The following COBLL1 variants were observed in gnomAD, a reference collection of about 807,000 sequenced individuals.
The protein encoded by COBLL1 is cordon-bleu protein-like 1.
Under a neutral mutation model 94.8 loss-of-function variants are expected in COBLL1, and 50 were observed. The observed-to-expected ratio is 0.53, with a 90% CI of 0.42 to 0.67. The LOEUF is 0.67. COBLL1 is among the 30% of genes least tolerant of loss of function. COBLL1 has a pLI of 0.00. For synonymous variants in COBLL1, 448 were observed against 473.8 expected (o/e 0.95, Z 0.71); for missense variants, 1,362 against 1,348.7 (o/e 1.01, Z -0.15).
At chr2:164,810,221 T>A (rs1684395573) in intron 2 of COBLL1, among the ~76,000 whole-genome samples, 1 of 151,594 alleles carries the variant, frequency 6.6e-6, no homozygotes, top group Non-Finnish European at 1.5e-5. Context: ...GTATTTGGGA[T>A]ATATTTATGA....
At chr2:164,679,362 C>T (rs538137282), downstream of COBLL1, among the ~76,000 whole-genome samples, 349 of 152,036 alleles carry the variant, frequency 2.3e-3, no homozygotes, top group Non-Finnish European at 3.9e-3. Context: ...GATTTTTCTC[C>T]GGTTTAGGCA....
At chr2:164,702,531 T>C (rs1684346220) in intron 9 of COBLL1, among the ~76,000 whole-genome samples, 1 of 123,424 alleles carries the variant, frequency 8.1e-6, no homozygotes, top group South Asian at 2.5e-4. Flanking sequence ...GCCACTGCAC[T>C]CCAGCCTGGG....
At chr2:164,798,213 G>C (rs940245943) in intron 2 of COBLL1, among the ~76,000 whole-genome samples, 3 of 152,182 alleles carry the variant, frequency 2.0e-5, no homozygotes, top group Admixed American at 1.3e-4. Flanking sequence ...AAGGGAGTTT[G>C]TTCCTTCTTT....
At position 164,811,634 on chromosome 2, in the gene COBLL1, T is replaced by A. The variant is rs1004543673; in HGVS notation, c.41+29522A>T. Among the ~76,000 whole-genome samples the A allele has an allele frequency of 5.4e-4, 82 of 151,916 alleles. 4 individuals are homozygous for A. Among genetic ancestry groups the A allele is most frequent in the Non-Finnish European group, 4.4e-5 (3 of 67,824 alleles). On this transcript the variant is annotated intron_variant, in intron 2 of 13. Coordinates refer to ENST00000652658, the MANE Select transcript of COBLL1 (RefSeq NM_001365672.2). ...ACTTATTTTAAAATGGTATTCTGAC[T>A]TCCAGAAAAGTCAAAGTACATTTTT...
At chr2:164,820,505 G>A (rs1204993239) in intron 2 of COBLL1, among the ~76,000 whole-genome samples, 2 of 152,136 alleles carry the variant, frequency 1.3e-5, no homozygotes, top group Non-Finnish European at 2.9e-5. Flanking sequence ...ACAGGCATGA[G>A]TCACCGCGCC....
At chr2:164,753,191 G>C (rs1354808204) in intron 2 of COBLL1, among the ~76,000 whole-genome samples, 1 of 152,010 alleles carries the variant, frequency 6.6e-6, no homozygotes, top group African/African-American at 2.4e-5. Flanking sequence ...TCTCTCTCTT[G>C]GCATTCACAC....
rs759576881 is a variant in COBLL1 at position 164,685,948 on chromosome 2, A to C, written c.3385T>G (p.Ter1129GluextTer19). The change falls in exon 14 of 14, where the codon TAA (stop) becomes GAA (glutamate). Residue 1129 changes from the stop codon to glutamate, a stop_lost. Coordinates refer to ENST00000652658, the MANE Select transcript of COBLL1 (RefSeq NM_001365672.2). ...SMSPDAQDGH[*>E] The stretch of plus-strand genomic sequence containing the variant: ...GCAGTGGTGTGGCAGGGTAACATTT[A>C]ATGGCCGTCCTGGGCATCAGGGGAC... The C allele has an allele frequency of 1.3e-6, 2 of 1,597,072 alleles. No individual in the cohort carries two copies. Among genetic ancestry groups the C allele is most frequent in the Non-Finnish European group, 1.7e-6 (2 of 1,165,930 alleles).
chr2:164,769,905 C>T (rs1246114152), intron 2 of COBLL1, among the ~76,000 whole-genome samples: 1 of 152,148 alleles, frequency 6.6e-6, no homozygotes, highest in Non-Finnish European at 1.5e-5. Flanking sequence ...TAATCAACTA[C>T]ACATAAAAAG....
chr2:164,800,838 T>C (rs1299510659), intron 2 of COBLL1, among the ~76,000 whole-genome samples: 1 of 149,614 alleles, frequency 6.7e-6, no homozygotes, highest in Non-Finnish European at 1.5e-5. Context: ...AAGACATTCA[T>C]AAAAATTCAA....
chr2:164,794,623 G>A (rs544342834), intron 2 of COBLL1, among the ~76,000 whole-genome samples: 30 of 152,158 alleles, frequency 2.0e-4, no homozygotes, highest in African/African-American at 5.8e-4. Context: ...TATTCCACTT[G>A]TTCAGTCAAG....
At chr2:164,824,632 T>C (rs1685342972) in intron 2 of COBLL1, among the ~76,000 whole-genome samples, 1 of 152,178 alleles carries the variant, frequency 6.6e-6, no homozygotes, top group Admixed American at 6.5e-5. Flanking sequence ...CAAAGTTATG[T>C]GACCATGGGA....
At chr2:164,758,868 A>G (rs922542819) in intron 2 of COBLL1, among the ~76,000 whole-genome samples, 29 of 152,232 alleles carry the variant, frequency 1.9e-4, no homozygotes, top group Non-Finnish European at 1.0e-4. Context: ...ATTTTTTAAA[A>G]TTTTACTATA....
chr2:164,688,848 CAT>C (rs1280186712), intron 13 of COBLL1, among the ~76,000 whole-genome samples: 2 of 127,794 alleles, frequency 1.6e-5, no homozygotes, highest in Admixed American at 1.4e-4. Flanking sequence ...ACACTTAATA[CAT>C]AGTGATAAAT....
chr2:164,761,863 A>T (rs757015288), intron 2 of COBLL1, among the ~76,000 whole-genome samples: 1 of 152,206 alleles, frequency 6.6e-6, no homozygotes, highest in African/African-American at 2.4e-5. Context: ...TTTCACATTT[A>T]TATTAGGCAG....
At chr2:164,659,792 T>C (rs1269009075) in intron 2 of COBLL1, among the ~76,000 whole-genome samples, 1 of 152,208 alleles carries the variant, frequency 6.6e-6, no homozygotes, top group East Asian at 1.9e-4. Flanking sequence ...TTTTTTTCTT[T>C]TATTGATCAT....
intron 2 of COBLL1, among the ~76,000 whole-genome samples, chr2:164,818,327 TAC>T (rs1270577786): frequency 1.3e-5 from 2 of 150,012 alleles, no homozygotes; most frequent in African/African-American, 4.9e-5. Context: ...TGTGTATGTA[TAC>T]ATATATGTAT....
rs1683203423 is a variant in COBLL1, at chr2:164,684,818, C to G, written c.*1128G>C. 1 of 151,906 alleles carries G rather than the reference C, an allele frequency of 6.6e-6. No individual in the cohort carries two copies. Among genetic ancestry groups the G allele is most frequent in the African/African-American group, 2.4e-5 (1 of 41,364 alleles). 9.4% of individuals were successfully genotyped at this position (151,906 alleles called of 1,614,324 possible). A position where few individuals can be genotyped will look rare whatever the true frequency, so the allele number is the denominator to read the frequency against. ...AAAAAATCCCCAAGAGGCAGATATC[C>G]CAGTAGTTTTAGTGAAAACAAATTT... On this transcript the variant is annotated 3_prime_UTR_variant, in exon 14 of 14. Transcript: ENST00000652658.
At chr2:164,832,162 G>A (rs1200746509) in intron 2 of COBLL1, among the ~76,000 whole-genome samples, 1 of 152,186 alleles carries the variant, frequency 6.6e-6, no homozygotes, top group Non-Finnish European at 1.5e-5. Context: ...CATGAAGGCA[G>A]ATTCGAGAGA....
intron 2 of COBLL1, among the ~76,000 whole-genome samples, chr2:164,818,333 T>C (rs1347679220): frequency 6.7e-6 from 1 of 149,014 alleles, no homozygotes; most frequent in South Asian, 2.1e-4. Context: ...TGTATACATA[T>C]ATGTATATAT....
Sources: allele counts gnomAD v4.1 joint callset (sites outside exome capture counted in the v4.1 genomes callset), GRCh38; gene constraint gnomAD v4.1.1; transcripts MANE v1.5; gene names NCBI Gene and HGNC (gene_info 2026-07-23, HGNC 2026-07-21).